Variants in LAMA4 observed in about 807,000 individuals in gnomAD.
The protein encoded by LAMA4 is laminin subunit alpha 4, also known as laminin subunit alpha-4.
A neutral mutation model predicts 207.1 loss-of-function variants in LAMA4; 127 were observed. That is an observed-to-expected ratio of 0.61 (90% confidence interval 0.53 to 0.71). The LOEUF (loss-of-function observed/expected upper bound fraction) is 0.71. LAMA4 is among the 30% of genes least tolerant of loss of function. The pLI is 0.00. For missense variants in LAMA4, 2,093 were observed against 2,246.5 expected (o/e 0.93, Z 1.38); for synonymous variants, 761 against 816.0 (o/e 0.93, Z 1.15).
chr6:112,177,679 C>T (rs530683919), intron 10 of LAMA4, among the ~76,000 whole-genome samples: 1 of 152,276 alleles, frequency 6.6e-6, no homozygotes, highest in South Asian at 2.1e-4. Flanking sequence ...AAGCATGTTG[C>T]CTGATTGGCC....
rs188820838 is a variant in LAMA4 at position 112,207,001 on chromosome 6, C to A, written c.422+20G>T. 745 of 1,613,436 alleles carry A rather than the reference C, an allele frequency of 4.6e-4. 6 individuals are homozygous for A. The African/African-American group carries it at 9.2e-3, about 20-fold the overall frequency. ...ACATAGACTGATCATTAGAAGAGAC[C>A]ATCCTCCTTTAGGACTTACTTGGCC... On this transcript the variant is annotated intron_variant, in intron 4 of 38. Transcript: ENST00000230538.
chr6:112,157,902 T>A (rs2114792822), intron 14 of LAMA4: 1 of 152,370 alleles, frequency 6.6e-6, no homozygotes, highest in South Asian at 2.1e-4. Context: ...CTCTTTCTTT[T>A]CTTCTCTCTT....
chr6:112,185,700 A>G (rs1583828771), intron 8 of LAMA4, among the ~76,000 whole-genome samples: 2 of 152,204 alleles, frequency 1.3e-5, no homozygotes, highest in African/African-American at 4.8e-5. Context: ...TTAGGTCTGG[A>G]AGAACTGACC....
chr6:112,113,904 G>A (rs587699473), intron 38 of LAMA4, among the ~76,000 whole-genome samples, 172 bp downstream of exon 38: 1 of 152,164 alleles, frequency 6.6e-6, no homozygotes, highest in East Asian at 1.9e-4. Context: ...GAATGCTGGG[G>A]TCTAGTTCTT....
intron 9 of LAMA4, chr6:112,179,097 A>T (rs1212961460): frequency 6.6e-6 from 1 of 152,186 alleles, no homozygotes; most frequent in Non-Finnish European, 1.5e-5. Flanking sequence ...GTGTACAAAT[A>T]ACTGCTCAAG....
intron 8 of LAMA4, 194 bp downstream of exon 8, chr6:112,187,256 C>A: frequency 1.4e-6 from 1 of 724,768 alleles, no homozygotes; most frequent in African/African-American, 1.7e-5. Context: ...TGTTTTGGCC[C>A]AAGCTCATAG....
chr6:112,133,559 T>A, intron 26 of LAMA4, 72 bp from the exon 27 acceptor site: 1 of 1,554,238 alleles, frequency 6.4e-7, no homozygotes, highest in Non-Finnish European at 8.9e-7. Context: ...GGCTATGGAA[T>A]TTGCATTTAT....
At chr6:112,253,650 A>T in intron 2 of LAMA4, 1 of 1,256,136 alleles carries the variant, frequency 8.0e-7, no homozygotes, top group Non-Finnish European at 1.2e-6. Context: ...CGCAAGTGGC[A>T]GAAGTCACCG....
intron 11 of LAMA4, among the ~76,000 whole-genome samples, chr6:112,174,314 C>A (rs1781890620): frequency 6.6e-6 from 1 of 152,182 alleles, no homozygotes; most frequent in Non-Finnish European, 1.5e-5. Flanking sequence ...GAGTTAAGAC[C>A]CCACATGGAG....
intron 2 of LAMA4, among the ~76,000 whole-genome samples, chr6:112,223,278 C>G (rs1303024794): frequency 6.6e-6 from 1 of 152,034 alleles, no homozygotes; most frequent in African/African-American, 2.4e-5. Context: ...ATGCGGCACA[C>G]AAGGGTTAGC....
At chr6:112,207,336 G>A (rs1784116168) in intron 3 of LAMA4, among the ~76,000 whole-genome samples, 191 bp from the exon 4 acceptor site, 1 of 152,146 alleles carries the variant, frequency 6.6e-6, no homozygotes, top group African/African-American at 2.4e-5. Flanking sequence ...GTGGGTAAGT[G>A]GTGAATTAAT....
In LAMA4 at chr6:112,141,416, G is replaced by A. The variant is rs1554333199; in HGVS notation, c.2755C>T (p.Leu919=). 6.2e-7 allele frequency: 1 copy of A among 1,613,574 alleles called. No homozygotes were observed. Among genetic ancestry groups the A allele is most frequent in the African/African-American group, 1.3e-5 (1 of 74,876 alleles). Residue 919 remains leucine, a synonymous_variant, in exon 21 of 39, where the codon CTG becomes TTG. Coordinates refer to ENST00000230538, the MANE Select transcript of LAMA4 (RefSeq NM_001105206.3). ...NLGTKDVEIP[L]DSKPVSSWPA... is the part of the protein sequence containing the mutation. ...CAGGAACTGACGGGCTTGGAGTCCAGGGGAATCTCCACATCTTTAGTTCCC... is the reference window on the plus strand; with the variant it reads ...CAGGAACTGACGGGCTTGGAGTCCAAGGGAATCTCCACATCTTTAGTTCCC...
chr6:112,156,460 G>A (rs72950216), intron 14 of LAMA4, among the ~76,000 whole-genome samples: 407 of 152,278 alleles, frequency 2.7e-3, no homozygotes, highest in Non-Finnish European at 4.3e-3. Flanking sequence ...ACCATTTCCT[G>A]AATTGGGATT....
At chr6:112,200,305 A>T in intron 5 of LAMA4, 1 of 380,746 alleles carries the variant, frequency 2.6e-6, no homozygotes, top group Non-Finnish European at 5.2e-6. Flanking sequence ...TGGTCATTAG[A>T]GAAATGCAAA....
At chr6:112,168,438 C>T (rs565272767) in intron 12 of LAMA4, among the ~76,000 whole-genome samples, 53 of 150,486 alleles carry the variant, frequency 3.5e-4, no homozygotes, top group African/African-American at 1.2e-3. Context: ...CGCTGCCTCC[C>T]GGACTCAAGC....
rs994496361 is a variant in LAMA4 at position 112,254,553 on chromosome 6, C to T, written c.-236G>A. On this transcript the variant is annotated 5_prime_UTR_variant, in exon 1 of 39. Transcript: ENST00000230538. ...CGTTCGGGACTGGGGACTGCGCTGT[C>T]CTGGCTTCCTTCTCACATTCATTCT... 2 of 291,944 alleles carry T rather than the reference C, an allele frequency of 6.9e-6. No homozygotes were observed. Among genetic ancestry groups the T allele is most frequent in the Non-Finnish European group, 1.3e-5 (2 of 151,594 alleles). The allele number at this position is 291,944 out of a possible 1,614,324, so 18.1% of individuals were successfully genotyped here.
At chr6:112,156,077 T>C (rs1780694436) in intron 14 of LAMA4, among the ~76,000 whole-genome samples, 1 of 152,190 alleles carries the variant, frequency 6.6e-6, no homozygotes, top group Admixed American at 6.5e-5. Flanking sequence ...TTATTTCCTT[T>C]CTGTAGAGGA....
chr6:112,156,446 C>T (rs1278208059), intron 14 of LAMA4, among the ~76,000 whole-genome samples: 2 of 152,126 alleles, frequency 1.3e-5, no homozygotes, highest in African/African-American at 4.8e-5. Flanking sequence ...ATTATTATAC[C>T]TACACCATTT....
At chr6:112,130,103 G>T in intron 29 of LAMA4, 63 bp from the exon 30 acceptor site, 1 of 1,406,870 alleles carries the variant, frequency 7.1e-7, no homozygotes. Flanking sequence ...ACCCACTCTA[G>T]GTTGGATAAG....
Sources: allele counts gnomAD v4.1 joint callset (sites outside exome capture counted in the v4.1 genomes callset), GRCh38; gene constraint gnomAD v4.1.1; transcripts MANE v1.5; gene names NCBI Gene and HGNC (gene_info 2026-07-23, HGNC 2026-07-21).